Variants in TLL2 observed in about 807,000 individuals in gnomAD.
TLL2 encodes the protein tolloid like 2.
TLL2 carries 106 observed loss-of-function variants against 123.0 expected under a neutral mutation model. That is an observed-to-expected ratio of 0.86 (90% CI 0.74 to 1.01). The LOEUF is 1.01. TLL2 is among the 50% of genes least tolerant of loss of function. The pLI is 0.00. For synonymous variants in TLL2, 494 were observed against 516.8 expected, an observed-to-expected ratio of 0.96 and a Z score of 0.60; for missense variants, 1,332 against 1,336.7, an observed-to-expected ratio of 1.00 and a Z score of 0.06.
chr10:96,383,696 C>T (rs1359626677), intron 16 of TLL2, among the ~76,000 whole-genome samples: 1 of 152,236 alleles, frequency 6.6e-6, no homozygotes, highest in Non-Finnish European at 1.5e-5. Flanking sequence ...TCTTGGCTCA[C>T]TGCAACCTCC....
chr10:96,400,121 T>C (rs138974070), intron 10 of TLL2, among the ~76,000 whole-genome samples: 2,401 of 152,316 alleles, frequency 0.016, 28 homozygotes, highest in Middle Eastern at 0.061. Context: ...TAAAAGCCCC[T>C]TTTTTATTGA....
chr10:96,442,830 T>G (rs1035462869), intron 3 of TLL2, among the ~76,000 whole-genome samples: 1 of 152,246 alleles, frequency 6.6e-6, no homozygotes, highest in African/African-American at 2.4e-5. Flanking sequence ...AGGTAGATGA[T>G]GCACTTTCAA....
chr10:96,405,146 C>G, intron 10 of TLL2, 86 bp downstream of exon 10: 1 of 1,265,822 alleles, frequency 7.9e-7, no homozygotes, highest in East Asian at 2.3e-5. Context: ...CCTGTGACCG[C>G]TGTCAAGGTG....
At chr10:96,398,206 G>T (rs753710742) in intron 10 of TLL2, among the ~76,000 whole-genome samples, 3 of 152,176 alleles carry the variant, frequency 2.0e-5, no homozygotes, top group Non-Finnish European at 4.4e-5. Context: ...AGGATTAGGG[G>T]AGCCATAGAA....
intron 1 of TLL2, among the ~76,000 whole-genome samples, chr10:96,480,917 C>A (rs931048628): frequency 6.6e-6 from 1 of 152,198 alleles, no homozygotes; most frequent in African/African-American, 2.4e-5. Context: ...GCCACACAGC[C>A]TGCTCTAATT....
At chr10:96,473,958 C>T (rs555359805) in intron 2 of TLL2, among the ~76,000 whole-genome samples, 1 of 152,114 alleles carries the variant, frequency 6.6e-6, no homozygotes, top group Non-Finnish European at 1.5e-5. Context: ...ACTCTCGTAT[C>T]GAAAAGGGTG....
intron 2 of TLL2, among the ~76,000 whole-genome samples, chr10:96,448,396 G>T (rs1327686944): frequency 3.9e-5 from 6 of 152,188 alleles, no homozygotes; most frequent in Non-Finnish European, 5.9e-5. Context: ...GACGCTCTGG[G>T]TCTAGCTCAG....
At chr10:96,415,959 T>C in intron 7 of TLL2, among the ~76,000 whole-genome samples, 1 of 151,524 alleles carries the variant, frequency 6.6e-6, no homozygotes, top group African/African-American at 2.4e-5. Context: ...GCTGATTTCC[T>C]GTTCAGCATC....
At chr10:96,414,405 A>G (rs1385707719) in intron 7 of TLL2, among the ~76,000 whole-genome samples, 1 of 152,058 alleles carries the variant, frequency 6.6e-6, no homozygotes, top group Admixed American at 6.6e-5. Context: ...GACAGCTTCC[A>G]ATCTCCGTCT....
Position 96,422,634 on chromosome 10 carries a change from C to T in TLL2, c.732G>A (p.Leu244=), listed in dbSNP as rs749173034. The T allele has an allele frequency of 1.9e-6, 3 of 1,614,068 alleles. No individual in the cohort carries two copies. The highest frequency in any genetic ancestry group is 1.3e-5 in the African/African-American group (1 of 74,934). The change falls in exon 6 of 21, where the codon CTG becomes CTA. Residue 244 remains leucine, a synonymous_variant. Transcript: ENST00000357947. The part of the protein sequence containing the change: ...CDKFGIVAHE[L]GHVVGFWHEH... ...CATGCCAAAACCCAACCACATGGCC[C>T]AGCTCGTGAGCCACAATGCCAAACT...
chr10:96,460,367 G>A (rs1847069299), intron 2 of TLL2, among the ~76,000 whole-genome samples: 3 of 152,188 alleles, frequency 2.0e-5, no homozygotes, highest in Non-Finnish European at 4.4e-5. Flanking sequence ...ACCCTCCAAT[G>A]TGATGGTATC....
chr10:96,456,206 G>A (rs992311433), intron 2 of TLL2, among the ~76,000 whole-genome samples: 9 of 152,118 alleles, frequency 5.9e-5, no homozygotes, highest in African/African-American at 2.2e-4. Flanking sequence ...CTCAATCCTC[G>A]ATAGCAAATA....
chr10:96,417,883 A>T (rs1191656860), intron 7 of TLL2, among the ~76,000 whole-genome samples: 14 of 152,226 alleles, frequency 9.2e-5, no homozygotes, highest in Non-Finnish European at 1.5e-5. Flanking sequence ...TGACTAACTA[A>T]CCCACAGTAT....
At chr10:96,455,143 G>A (rs973272763) in intron 2 of TLL2, among the ~76,000 whole-genome samples, 1 of 152,136 alleles carries the variant, frequency 6.6e-6, no homozygotes, top group Non-Finnish European at 1.5e-5. Context: ...TTGGGAGGCT[G>A]GCGTGAACCT....
intron 8 of TLL2, 45 bp from the exon 9 acceptor site, chr10:96,410,519 C>A (rs748743123): frequency 6.6e-7 from 1 of 1,518,994 alleles, no homozygotes; most frequent in East Asian, 2.3e-5. Context: ...ATGCACCTCT[C>A]CCCGCCCAAG....
At chr10:96,458,662 T>C (rs1338565993) in intron 2 of TLL2, among the ~76,000 whole-genome samples, 1 of 136,372 alleles carries the variant, frequency 7.3e-6, no homozygotes, top group African/African-American at 2.8e-5. Flanking sequence ...TCCCAGCTAC[T>C]AGGGAGTCTG....
At chr10:96,477,165 C>A (rs1847266965) in intron 2 of TLL2, among the ~76,000 whole-genome samples, 2 of 149,404 alleles carry the variant, frequency 1.3e-5, no homozygotes, top group African/African-American at 4.9e-5. Context: ...TATTGGACCT[C>A]AGAGAAAAAT....
chr10:96,393,843 T>C (rs1018294771), intron 13 of TLL2, among the ~76,000 whole-genome samples: 2 of 151,966 alleles, frequency 1.3e-5, no homozygotes, highest in Non-Finnish European at 2.9e-5. Flanking sequence ...TCTTCCCCGA[T>C]ACCTCAAAAT....
chr10:96,396,581 C>CTTTTTTTT (rs1177349566), intron 11 of TLL2, among the ~76,000 whole-genome samples: 4 of 125,368 alleles, frequency 3.2e-5, no homozygotes, highest in Admixed American at 1.6e-4. Flanking sequence ...TTTCCCCTTT[C>CTTTTTTTT]TTTTTTTTTT....
Sources: gnomAD v4.1 joint callset for allele counts (sites outside exome capture counted in the v4.1 genomes callset) on GRCh38, gnomAD v4.1.1 for gene constraint, MANE v1.5 for transcripts, NCBI Gene and HGNC (gene_info 2026-07-23, HGNC 2026-07-21) for gene names.